SERPINB3: variants seen among roughly 807,000 people sequenced by gnomAD.
SERPINB3 encodes the protein serpin B3.
SERPINB3 carries 33 observed loss-of-function variants against 33.0 expected under a neutral mutation model. The ratio of observed to expected loss-of-function variants is 1.00; its 90% CI spans 0.76 to 1.34. The LOEUF (loss-of-function observed/expected upper bound fraction) is 1.34, where lower values mean the gene tolerates loss of function less well. Among genes scored for constraint, SERPINB3 ranks in the 40% most tolerant of loss-of-function variants. The pLI, the probability that SERPINB3 is intolerant of heterozygous loss-of-function variation, is 0.00. For synonymous variants in SERPINB3, 200 were observed against 170.9 expected (o/e 1.17, Z -1.33); for missense variants, 518 against 461.5 (o/e 1.12, Z -1.12).
chr18:63,659,597 G>T (rs1407314631), intron 3 of SERPINB3, 70 bp from the exon 4 acceptor site: 1 of 1,602,186 alleles, frequency 6.2e-7, no homozygotes. Context: ...TGCTAAGTCT[G>T]TTAGATCAGT....
Position 63,657,263 on chromosome 18 carries a change from A to T in SERPINB3, c.612+7T>A, listed in dbSNP as rs1913522385. The T allele has an allele frequency of 1.4e-6, 2 of 1,419,664 alleles. No homozygotes were observed. The highest frequency in any genetic ancestry group is 3.6e-5 in the Admixed American group (2 of 56,088). The allele number at this position is 1,419,664 out of a possible 1,614,324, so 87.9% of individuals were successfully genotyped here. On this transcript the variant is annotated splice_region_variant and intron_variant, in intron 6 of 7. Coordinates refer to ENST00000283752, the MANE Select transcript of SERPINB3 (RefSeq NM_006919.3). The stretch of plus-strand genomic sequence containing the variant: ...ATTACATTATATAAATAAAATATAG[A>T]CAATACCTTGTTTGGCCAAAATTTT...
intron 4 of SERPINB3, among the ~76,000 whole-genome samples, chr18:63,659,095 C>T (rs987642812): frequency 1.2e-4 from 19 of 152,254 alleles, no homozygotes; most frequent in Admixed American, 3.3e-4. Flanking sequence ...CAAGATGTAT[C>T]GTATGTGACT....
At chr18:63,660,904 G>T in intron 2 of SERPINB3, 48 bp from the exon 3 acceptor site, 1 of 1,612,546 alleles carries the variant, frequency 6.2e-7, no homozygotes. Context: ...CAAAAGATCT[G>T]TTTAAGTCAG....
At chr18:63,657,153 A>G (rs1913519582) in intron 6 of SERPINB3, 117 bp downstream of exon 6, 1 of 892,412 alleles carries the variant, frequency 1.1e-6, no homozygotes, top group Non-Finnish European at 1.6e-6. Flanking sequence ...TTATAAGACT[A>G]AAACAACAAA....
At chr18:63,660,321 T>A (rs1415715353) in intron 3 of SERPINB3, among the ~76,000 whole-genome samples, 2 of 152,164 alleles carry the variant, frequency 1.3e-5, no homozygotes, top group Non-Finnish European at 2.9e-5. Flanking sequence ...AATGACTCAA[T>A]GAAAATTAAA....
In SERPINB3 at chr18:63,661,333, G is replaced by T; in HGVS notation, c.-26-91C>A. The T allele has an allele frequency of 2.9e-6, 4 of 1,382,526 alleles. No homozygotes were observed. In the African/African-American group the frequency reaches 4.4e-5, roughly 15 times the overall value. 85.6% of individuals were successfully genotyped at this position (1,382,526 alleles called of 1,614,324 possible). A position where few individuals can be genotyped will look rare whatever the true frequency, so the allele number is the denominator to read the frequency against. On this transcript the variant is annotated intron_variant, in intron 1 of 7. Coordinates refer to ENST00000283752, the MANE Select transcript of SERPINB3 (RefSeq NM_006919.3). ...TTTCTTAAAGAAATTATATATCTGT[G>T]TTGTGAGATTTTGACATTTAAAGTT...
intron 3 of SERPINB3, among the ~76,000 whole-genome samples, chr18:63,659,748 T>C (rs1287329636): frequency 6.6e-6 from 1 of 152,180 alleles, no homozygotes; most frequent in Admixed American, 6.6e-5. Flanking sequence ...TACTGCAATC[T>C]TTTCTCTTCT....
chr18:63,661,015 A>T, intron 2 of SERPINB3, 37 bp downstream of exon 2: 2 of 1,612,106 alleles, frequency 1.2e-6, no homozygotes, highest in Non-Finnish European at 1.7e-6. Flanking sequence ...ACCAGAGAAA[A>T]ACTGCAACAG....
In SERPINB3 at chr18:63,655,840, G is replaced by C. The variant is rs1045467194; in HGVS notation, c.990C>G (p.His330Gln). ...SRGLVLSGVL[H>Q]KAFVEVTEEG... ...CCTCTGTAACCTCCACAAAGGCCTT[G>C]TGTAGGACTCCAGATAGCACGAGAC... The change falls in exon 8 of 8, where the codon CAC (histidine) becomes CAG (glutamine). Residue 330 changes from histidine to glutamine, a missense_variant. Coordinates refer to ENST00000283752, the MANE Select transcript of SERPINB3 (RefSeq NM_006919.3). 1.2e-6 allele frequency: 2 copies of C among 1,613,992 alleles called. No homozygotes were observed. The highest frequency in any genetic ancestry group is 1.7e-6 in the Non-Finnish European group (2 of 1,179,948).
intron 3 of SERPINB3, among the ~76,000 whole-genome samples, chr18:63,659,980 TTGAC>T (rs1913599813): frequency 6.6e-6 from 1 of 152,214 alleles, no homozygotes; most frequent in Non-Finnish European, 1.5e-5. Flanking sequence ...GTAGGACACA[TTGAC>T]TGATCTGTGA....
Position 63,660,832 on chromosome 18 carries a change from C to G in SERPINB3, c.190G>C (p.Glu64Gln). ...KKVLHFDQVT[E>Q]NTTGKAATYH... ...GTTGCAGCTTTTCCTGTGGTGTTCT[C>G]TGTGACTTGATCAAAGTGAAGAACC... Residue 64 changes from glutamate (E) to glutamine (Q), a missense_variant, in exon 3 of 8, where the codon GAG (glutamate) becomes CAG (glutamine). By Grantham distance (29) the Glu-to-Gln change is conservative. Transcript: ENST00000283752. 6.2e-7 allele frequency: 1 copy of G among 1,613,356 alleles called. No homozygotes were observed. The highest frequency in any genetic ancestry group is 8.5e-7 in the Non-Finnish European group (1 of 1,179,598).
Position 63,661,634 on chromosome 18 carries a change from C to G in SERPINB3, c.-27+212G>C, listed in dbSNP as rs1393189813. On this transcript the variant is annotated intron_variant, in intron 1 of 7. Coordinates refer to ENST00000283752, the MANE Select transcript of SERPINB3 (RefSeq NM_006919.3). The stretch of plus-strand genomic sequence containing the variant: ...ACTCTCTGGCTGCAAGGCACTCTCC[C>G]TCTGTGTTCCTAAAAGTGCCTTGGT... Among the ~76,000 whole-genome samples, 3 of 151,836 alleles carry G rather than the reference C, an allele frequency of 2.0e-5. No individual in the cohort carries two copies. In the East Asian group the frequency reaches 5.8e-4, roughly 29 times the overall value.
Position 63,661,157 on chromosome 18 carries a change from T to A in SERPINB3, c.60A>T (p.Arg20Ser). 1.2e-6 allele frequency: 2 copies of A among 1,613,660 alleles called. No homozygotes were observed. The highest frequency in any genetic ancestry group is 1.7e-6 in the Non-Finnish European group (2 of 1,179,640). ...AGAAGATGTTGTTCTCTTTTGATTT[T>A]CTGAACTGTTGGAACAGGTCGAACA... ...KFMFDLFQQF[R>S]KSKENNIFYS... The change falls in exon 2 of 8, where the codon AGA (arginine) becomes AGT (serine). Residue 20 changes from arginine (R) to serine (S), a missense_variant. Physicochemically the swap from Arg to Ser is moderately radical, Grantham distance 110. Coordinates refer to ENST00000283752, the MANE Select transcript of SERPINB3 (RefSeq NM_006919.3).
chr18:63,658,807 G>A (rs779700903), intron 4 of SERPINB3, among the ~76,000 whole-genome samples, 177 bp from the exon 5 acceptor site: 1 of 152,108 alleles, frequency 6.6e-6, no homozygotes. Flanking sequence ...AGCGGAGTGC[G>A]GGCTGGCGCA....
rs1319308328 is a variant in SERPINB3, at chr18:63,657,335, T to C, written c.547A>G (p.Lys183Glu). The C allele has an allele frequency of 2.5e-6, 4 of 1,610,388 alleles. No individual in the cohort carries two copies. The highest frequency in any genetic ancestry group is 3.4e-6 in the Non-Finnish European group (4 of 1,177,562). The change falls in exon 6 of 8, where the codon AAA (lysine) becomes GAA (glutamate). Residue 183 changes from lysine to glutamate, a missense_variant. By Grantham distance (56) the Lys-to-Glu change is moderately conservative. Transcript: ENST00000283752. ...TTAAATTTCTTCTCCCACTGCCCTT[T>C]GAAATAGATTGCGTTCACAAGAACC... is the stretch of plus-strand genomic sequence containing the variant. ...TLVLVNAIYF[K>E]GQWEKKFNKE...
intron 6 of SERPINB3, 104 bp downstream of exon 6, chr18:63,657,166 A>T: frequency 1.1e-6 from 1 of 888,732 alleles, no homozygotes; most frequent in Non-Finnish European, 1.6e-6. Context: ...ACAACAAAAA[A>T]ACAGACATGA....
Position 63,661,140 on chromosome 18 carries a change from T to C in SERPINB3, c.77A>G (p.Asn26Ser). ...GATGCTGATAGGGGAATAGAAGATG[T>C]TGTTCTCTTTTGATTTTCTGAACTG... ...FQQFRKSKEN[N>S]IFYSPISITS... Residue 26 changes from asparagine to serine, a missense_variant, in exon 2 of 8, where the codon AAC (asparagine) becomes AGC (serine). Asn to Ser is a conservative substitution (Grantham distance 46). Coordinates refer to ENST00000283752, the MANE Select transcript of SERPINB3 (RefSeq NM_006919.3). 1.2e-6 allele frequency: 2 copies of C among 1,613,662 alleles called. No homozygotes were observed. Among genetic ancestry groups the C allele is most frequent in the South Asian group, 2.2e-5 (2 of 91,076 alleles).
At chr18:63,656,584 C>CATA (rs2144491965) in intron 7 of SERPINB3, among the ~76,000 whole-genome samples, 1 of 152,242 alleles carries the variant, frequency 6.6e-6, no homozygotes, top group South Asian at 2.1e-4. Context: ...TAAATTGCTG[C>CATA]ATAATAATAT....
intron 6 of SERPINB3, 36 bp from the exon 7 acceptor site, chr18:63,657,022 G>C (rs2144492653): frequency 6.5e-7 from 1 of 1,538,790 alleles, no homozygotes; most frequent in South Asian, 1.2e-5. Context: ...AATACCAAGT[G>C]AGACACAAGG....
Sources: gnomAD v4.1 joint callset for allele counts (sites outside exome capture counted in the v4.1 genomes callset) on GRCh38, gnomAD v4.1.1 for gene constraint, MANE v1.5 for transcripts, NCBI Gene and HGNC (gene_info 2026-07-23, HGNC 2026-07-21) for gene names.